The following TBC1D10B variants were observed in gnomAD, a reference collection of about 807,000 sequenced individuals.
TBC1D10B encodes the protein Rab27A-GAPbeta.
TBC1D10B carries 25 observed loss-of-function variants against 78.4 expected under a neutral mutation model. That is an observed-to-expected ratio of 0.32 (90% CI 0.23 to 0.45). TBC1D10B has a LOEUF of 0.45. Ranked by LOEUF, TBC1D10B falls within the 20% of genes least tolerant of loss-of-function variation. The pLI, the probability that TBC1D10B is intolerant of heterozygous loss-of-function variation, is 1.00. For missense variants in TBC1D10B, 996 were observed against 1,104.8 expected (o/e 0.90, Z 1.40); for synonymous variants, 517 against 478.0 (o/e 1.08, Z -1.06).
intron 7 of TBC1D10B, 72 bp from the exon 8 acceptor site, chr16:30,358,889 C>A: frequency 6.7e-7 from 1 of 1,492,344 alleles, no homozygotes; most frequent in Non-Finnish European, 9.0e-7. Context: ...TCAGGATAGA[C>A]TCACAGCCCC....
chr16:30,365,649 T>C lies in TBC1D10B; in HGVS notation c.957-55A>G. 3 of 1,541,208 alleles carry C rather than the reference T, an allele frequency of 1.9e-6. No homozygotes were observed. The highest frequency in any genetic ancestry group is 2.7e-6 in the Non-Finnish European group (3 of 1,118,554). ...CAGTAGCAATAGTGTAAAACCTGCA[T>C]TGCAGGGGGAACTGAGGCAAGCCAC... is the stretch of plus-strand genomic sequence containing the variant. On this transcript the variant is annotated intron_variant, in intron 1 of 8. Coordinates refer to ENST00000409939, the MANE Select transcript of TBC1D10B (RefSeq NM_015527.4). The surrounding 1 kb of genome is among the most constrained non-coding windows in gnomAD (Gnocchi z 5.0).
Position 30,363,992 on chromosome 16 carries a change from C to T in TBC1D10B, c.1271+908G>A, listed in dbSNP as rs562322610. Among the ~76,000 whole-genome samples, 280 of 152,052 alleles carry T rather than the reference C, an allele frequency of 1.8e-3. 2 individuals carry two copies. Among genetic ancestry groups the T allele is most frequent in the Non-Finnish European group, 3.6e-3 (242 of 67,998 alleles). ...ATTAGCCGGGTGTGGTGGCGCGCAC[C>T]TGTAATGCCAGCTACTTGGGAGACT... On this transcript the variant is annotated intron_variant, in intron 4 of 8. Transcript: ENST00000409939.
At chr16:30,360,785 G>A (rs933771746) in intron 4 of TBC1D10B, among the ~76,000 whole-genome samples, 1 of 151,976 alleles carries the variant, frequency 6.6e-6, no homozygotes, top group Non-Finnish European at 1.5e-5. Context: ...GCCTGCTTCC[G>A]TGTCCCTGCC....
chr16:30,370,490 G>C lies in TBC1D10B; in HGVS notation c.-307C>G, dbSNP rs909920757. The stretch of plus-strand genomic sequence containing the variant: ...GCCGCAGAGCCGGCTCCGCGCCAGC[G>C]TCTCGGCGTTCCACGCCTGCGCGCG... On this transcript the variant is annotated 5_prime_UTR_variant, in exon 1 of 9. Transcript: ENST00000409939. Among the ~76,000 whole-genome samples the C allele has an allele frequency of 6.6e-6, 1 of 152,112 alleles. No individual in the cohort carries two copies. Among genetic ancestry groups the C allele is most frequent in the Admixed American group, 6.5e-5 (1 of 15,278 alleles).
chr16:30,358,360 G>C lies in TBC1D10B; in HGVS notation c.2011C>G (p.Arg671Gly). The C allele has an allele frequency of 1.3e-6, 2 of 1,559,076 alleles. No individual in the cohort carries two copies. Among genetic ancestry groups the C allele is most frequent in the Non-Finnish European group, 1.7e-6 (2 of 1,151,846 alleles). Reference sequence around the variant, plus strand: ...GGGGACGGGGCCCCTCCAGCTGCCCGGGAGCCTCGGCTCTTGAGGCCAGGG... The same window carrying C: ...GGGGACGGGGCCCCTCCAGCTGCCCCGGAGCCTCGGCTCTTGAGGCCAGGG... ...SLPGLKSRGSRAAGGAPSPPP... is the reference protein window; with the variant it reads ...SLPGLKSRGSGAAGGAPSPPP... Residue 671 changes from arginine (R) to glycine (G), a missense_variant, in exon 9 of 9, where the codon CGG (arginine) becomes GGG (glycine). By Grantham distance (125) the Arg-to-Gly change is moderately radical. This residue lies in a region of TBC1D10B where 285 missense variants were observed against 252.5 expected (regional missense o/e 1.13). Transcript: ENST00000409939.
chr16:30,366,009 C>T (rs373650561), intron 1 of TBC1D10B: 46 of 204,064 alleles, frequency 2.3e-4, no homozygotes, highest in African/African-American at 9.5e-4. Context: ...GGGGTTTATA[C>T]GAAATAACAC....
rs1596990882 is a variant in TBC1D10B, at chr16:30,369,234, C to G, written c.950G>C (p.Gly317Ala). Residue 317 changes from glycine (G) to alanine (A), a missense_variant, in exon 1 of 9, where the codon GGC becomes GCC. Around this residue, in one of 5 missense-constraint regions of TBC1D10B, gnomAD observed 448 missense variants for 442.1 expected, o/e 1.01. Transcript: ENST00000409939. This position sits in a 1 kb window ranked among gnomAD's most constrained non-coding sequence, Gnocchi z 4.3. ...YGFLGGSQYSGSLESSIPVDV... is the reference protein window; with the variant it reads ...YGFLGGSQYSASLESSIPVDV... ...GGTGCCCACTGGTACTCACAGGCTG[C>G]CCGAGTACTGGCTGCCCCCAAGGAA... 1 of 1,579,288 alleles carries G rather than the reference C, an allele frequency of 6.3e-7. No homozygotes were observed. The highest frequency in any genetic ancestry group is 8.6e-7 in the Non-Finnish European group (1 of 1,162,726).
rs949886277 is a variant in TBC1D10B at position 30,365,710 on chromosome 16, G to C, written c.957-116C>G. The C allele has an allele frequency of 3.1e-6, 3 of 973,434 alleles. No homozygotes were observed. The East Asian group carries it at 7.6e-5, about 25-fold the overall frequency. 60.3% of individuals were successfully genotyped at this position (973,434 alleles called of 1,614,324 possible). ...TCAAACGAGAAACTGGATAGTCTGT[G>C]AGCTGCCAAACATCAGGATGTCTGG... is the stretch of plus-strand genomic sequence containing the variant. On this transcript the variant is annotated intron_variant, in intron 1 of 8. Coordinates refer to ENST00000409939, the MANE Select transcript of TBC1D10B (RefSeq NM_015527.4). This position sits in a 1 kb window ranked among gnomAD's most constrained non-coding sequence, Gnocchi z 5.0.
chr16:30,369,210 G>T lies in TBC1D10B; in HGVS notation c.956+18C>A. 1 of 1,553,932 alleles carries T rather than the reference G, an allele frequency of 6.4e-7. No individual in the cohort carries two copies. Among genetic ancestry groups the T allele is most frequent in the Middle Eastern group, 1.7e-4 (1 of 5,802 alleles). ...TGCTTCCCCGAGGCGGTCCCGCTGGGTGCCCACTGGTACTCACAGGCTGCC... is the reference window on the plus strand; with the variant it reads ...TGCTTCCCCGAGGCGGTCCCGCTGGTTGCCCACTGGTACTCACAGGCTGCC... On this transcript the variant is annotated intron_variant, in intron 1 of 8. Coordinates refer to ENST00000409939, the MANE Select transcript of TBC1D10B (RefSeq NM_015527.4). This position sits in a 1 kb window ranked among gnomAD's most constrained non-coding sequence, Gnocchi z 4.3.
In TBC1D10B at chr16:30,369,641, T is replaced by C; in HGVS notation, c.543A>G (p.Ser181=). The change falls in exon 1 of 9, where the codon TCA becomes TCG. Residue 181 remains serine, a synonymous_variant. Coordinates refer to ENST00000409939, the MANE Select transcript of TBC1D10B (RefSeq NM_015527.4). This position sits in a 1 kb window ranked among gnomAD's most constrained non-coding sequence, Gnocchi z 4.3. ...LAPKPGTTVA[S]GVTARSASGQ... is the part of the protein sequence containing the mutation. ...CTGATGCACTCCGTGCAGTCACTCC[T>C]GAGGCCACTGTGGTTCCCGGCTTGG... 1.3e-6 allele frequency: 2 copies of C among 1,533,962 alleles called. No homozygotes were observed. The highest frequency in any genetic ancestry group is 2.5e-5 in the East Asian group (1 of 40,718).
chr16:30,368,459 G>A (rs2049654196), intron 1 of TBC1D10B, among the ~76,000 whole-genome samples: 1 of 152,164 alleles, frequency 6.6e-6, no homozygotes, highest in Non-Finnish European at 1.5e-5. Flanking sequence ...CCCAGGAGAT[G>A]CTGTAGGCTG....
rs760004091 is a variant in TBC1D10B at position 30,358,401 on chromosome 16, G to C, written c.1970C>G (p.Ser657Cys). 6.4e-7 allele frequency: 1 copy of C among 1,572,472 alleles called. No homozygotes were observed. Among genetic ancestry groups the C allele is most frequent in the Non-Finnish European group, 8.6e-7 (1 of 1,159,468 alleles). The change falls in exon 9 of 9, where the codon TCC (serine) becomes TGC (cysteine). Residue 657 changes from serine to cysteine, a missense_variant. By Grantham distance (112) the Ser-to-Cys change is moderately radical (BLOSUM62 -1). Transcript: ENST00000409939. ...GAGGCCAGGGAGGCTGAGGAGGCTGGAGGAGGGGCCCAGGGGTGGCTGTTG... is the reference window on the plus strand; with the variant it reads ...GAGGCCAGGGAGGCTGAGGAGGCTGCAGGAGGGGCCCAGGGGTGGCTGTTG... ...RRQQPPLGPS[S>C]SLLSLPGLKS...
chr16:30,368,515 C>T (rs563677162), intron 1 of TBC1D10B, among the ~76,000 whole-genome samples: 1 of 152,254 alleles, frequency 6.6e-6, no homozygotes, highest in South Asian at 2.1e-4. Context: ...GGGCAGGATC[C>T]AGAGAGGGGG....
At position 30,365,176 on chromosome 16, in the gene TBC1D10B, G is replaced by C. The variant is rs2049627222; in HGVS notation, c.1093C>G (p.Leu365Val). The change falls in exon 3 of 9, where the codon CTC becomes GTC. Residue 365 changes from leucine (L) to valine (V), a missense_variant. By Grantham distance (32) the Leu-to-Val change is conservative. This residue lies in a region of TBC1D10B where 93 missense variants were observed against 152.7 expected (regional missense o/e 0.61). Coordinates refer to ENST00000409939, the MANE Select transcript of TBC1D10B (RefSeq NM_015527.4). This position sits in a 1 kb window ranked among gnomAD's most constrained non-coding sequence, Gnocchi z 5.0. ...AGGTACTGCCAGGCTTTGGCTCTGA[G>C]AGAGGAGGGGATCCCCTTCCGGCAG... ...LRCRKGIPSS[L>V]RAKAWQYLSN... The C allele has an allele frequency of 5.0e-6, 8 of 1,613,888 alleles. No individual in the cohort carries two copies. Among genetic ancestry groups the C allele is most frequent in the South Asian group, 2.2e-5 (2 of 91,086 alleles).
In TBC1D10B at chr16:30,370,158, A is replaced by T. The variant is rs1219137109; in HGVS notation, c.26T>A (p.Val9Glu). Reference sequence around the variant, plus strand: ...GGCGCCATGACGGCGCGGCGGGGCCACCAGGGGCGCCGTGCCCGTCTCCAT... The same window carrying T: ...GGCGCCATGACGGCGCGGCGGGGCCTCCAGGGGCGCCGTGCCCGTCTCCAT... The part of the protein sequence containing the change: METGTAPL[V>E]APPRRHGAPA... The change falls in exon 1 of 9, where the codon GTG (valine) becomes GAG (glutamate). Residue 9 changes from valine (V) to glutamate (E), a missense_variant. This residue lies in a region of TBC1D10B where 448 missense variants were observed against 442.1 expected (regional missense o/e 1.01). Coordinates refer to ENST00000409939, the MANE Select transcript of TBC1D10B (RefSeq NM_015527.4). 1 of 1,186,654 alleles carries T rather than the reference A, an allele frequency of 8.4e-7. No homozygotes were observed. Among genetic ancestry groups the T allele is most frequent in the African/African-American group, 1.6e-5 (1 of 62,358 alleles). 73.5% of individuals were successfully genotyped at this position (1,186,654 alleles called of 1,614,324 possible). A position where few individuals can be genotyped will look rare whatever the true frequency, so the allele number is the denominator to read the frequency against.
chr16:30,358,893 C>T, intron 7 of TBC1D10B, 76 bp from the exon 8 acceptor site: 1 of 1,480,572 alleles, frequency 6.8e-7, no homozygotes, highest in Non-Finnish European at 9.0e-7. Flanking sequence ...GATAGACTCA[C>T]AGCCCCCATC....
rs1202813425 is a variant in TBC1D10B at position 30,359,854 on chromosome 16, G to C, written c.1272-13C>G. The C allele has an allele frequency of 6.4e-7, 1 of 1,552,766 alleles. No homozygotes were observed. The highest frequency in any genetic ancestry group is 2.0e-5 in the Admixed American group (1 of 51,150). ...CAGGTCCTGTTGCCTGTGGGGGTTGGGGAAGACTGTGAGGGCAGTCACGGG... is the reference window on the plus strand; with the variant it reads ...CAGGTCCTGTTGCCTGTGGGGGTTGCGGAAGACTGTGAGGGCAGTCACGGG... On this transcript the variant is annotated splice_polypyrimidine_tract_variant and intron_variant, in intron 4 of 8. Transcript: ENST00000409939.
chr16:30,359,187 T>C lies in TBC1D10B; in HGVS notation c.1627A>G (p.Met543Val). Residue 543 changes from methionine (M) to valine (V), a missense_variant, in exon 7 of 9, where the codon ATG becomes GTG. Physicochemically the swap from Met to Val is conservative, Grantham distance 21 (BLOSUM62 1). This residue lies in a region of TBC1D10B where 168 missense variants were observed against 238.7 expected (regional missense o/e 0.70). Coordinates refer to ENST00000409939, the MANE Select transcript of TBC1D10B (RefSeq NM_015527.4). ...PWASVLRVWD[M>V]FFCEGVKIIF... ...ACAGAAGTACCTTCACAGAAAAACA[T>C]GTCCCAGACACGCAGCACCGACGCC... is the stretch of plus-strand genomic sequence containing the variant. The C allele has an allele frequency of 1.2e-6, 2 of 1,611,966 alleles. No homozygotes were observed. The highest frequency in any genetic ancestry group is 1.7e-6 in the Non-Finnish European group (2 of 1,179,108).
chr16:30,359,797 C>A lies in TBC1D10B; in HGVS notation c.1316G>T (p.Arg439Leu). The A allele has an allele frequency of 6.3e-7, 1 of 1,580,678 alleles. No individual in the cohort carries two copies. The highest frequency in any genetic ancestry group is 8.6e-7 in the Non-Finnish European group (1 of 1,163,116). The change falls in exon 5 of 9, where the codon CGG (arginine) becomes CTG (leucine). Residue 439 changes from arginine to leucine, a missense_variant. Arg to Leu is a moderately radical substitution (Grantham distance 102). Coordinates refer to ENST00000409939, the MANE Select transcript of TBC1D10B (RefSeq NM_015527.4). ...GGCCTGGCAGTAACCCTCGTCAGGCCGGTAGATGGTGTAGGCCTTCAGGAT... is the reference window on the plus strand; with the variant it reads ...GGCCTGGCAGTAACCCTCGTCAGGCAGGTAGATGGTGTAGGCCTTCAGGAT... ...YRILKAYTIY[R>L]PDEGYCQAQA... is the part of the protein sequence containing the mutation.
Sources: gnomAD v4.1 joint callset for allele counts (sites outside exome capture counted in the v4.1 genomes callset) on GRCh38, gnomAD v4.1.1 for gene constraint, gnomAD v4.1.1 regional missense constraint, Gnocchi (gnomAD v3.1) non-coding constraint, MANE v1.5 for transcripts, NCBI Gene and HGNC (gene_info 2026-07-23, HGNC 2026-07-21) for gene names.